Variants in RANBP9 observed in about 807,000 individuals in gnomAD.
RANBP9 encodes RAN binding protein 9.
RANBP9 carries 15 observed loss-of-function variants against 84.3 expected under a neutral mutation model. The ratio of observed to expected loss-of-function variants is 0.18; its 90% CI spans 0.12 to 0.27. RANBP9 has a LOEUF of 0.27. Ranked by LOEUF, RANBP9 falls within the 10% of genes least tolerant of loss-of-function variation. RANBP9 has a pLI of 1.00. For missense variants in RANBP9, 809 were observed against 912.8 expected (o/e 0.89, Z 1.46); for synonymous variants, 392 against 349.6 (o/e 1.12, Z -1.35).
chr6:13,628,745 G>A (rs1764693744), intron 12 of RANBP9, among the ~76,000 whole-genome samples: 1 of 152,220 alleles, frequency 6.6e-6, no homozygotes, highest in African/African-American at 2.4e-5. Context: ...AAAGCCTGCT[G>A]TAAAAGTTAA....
chr6:13,690,618 T>C (rs1766300640), intron 2 of RANBP9, among the ~76,000 whole-genome samples: 1 of 152,236 alleles, frequency 6.6e-6, no homozygotes, highest in South Asian at 2.1e-4. Context: ...AATATTTTGT[T>C]TGAAGAGCTA....
intron 2 of RANBP9, among the ~76,000 whole-genome samples, chr6:13,664,073 GAAAT>G (rs1459248184): frequency 6.6e-6 from 1 of 151,928 alleles, no homozygotes; most frequent in Non-Finnish European, 1.5e-5. Flanking sequence ...AAATCAAAAA[GAAAT>G]AAAGCTGGCT....
intron 1 of RANBP9, among the ~76,000 whole-genome samples, chr6:13,702,225 T>C (rs1757991793): frequency 6.6e-6 from 1 of 151,966 alleles, no homozygotes; most frequent in Admixed American, 6.6e-5. Flanking sequence ...GGTGGATCAC[T>C]TGAGGTCAGG....
At chr6:13,661,498 A>G (rs529073500) in intron 2 of RANBP9, among the ~76,000 whole-genome samples, 10 of 152,280 alleles carry the variant, frequency 6.6e-5, no homozygotes, top group Middle Eastern at 3.4e-3. Context: ...GGGAAAAAAA[A>G]TGAGAAAAAA....
chr6:13,671,769 G>C (rs1385681117), intron 2 of RANBP9, among the ~76,000 whole-genome samples: 2 of 151,954 alleles, frequency 1.3e-5, no homozygotes, highest in Non-Finnish European at 2.9e-5. Context: ...ATATGTACAT[G>C]AATTATACAT....
intron 12 of RANBP9, among the ~76,000 whole-genome samples, chr6:13,627,775 A>G (rs891496665): frequency 1.3e-5 from 2 of 152,198 alleles, no homozygotes; most frequent in African/African-American, 4.8e-5. Flanking sequence ...AATTTTTCCA[A>G]GGAATACTTG....
chr6:13,673,985 G>T (rs1256852941), intron 2 of RANBP9, among the ~76,000 whole-genome samples: 1 of 151,798 alleles, frequency 6.6e-6, no homozygotes, highest in Non-Finnish European at 1.5e-5. Flanking sequence ...TTGGGAACCT[G>T]AAGTGGGAGA....
At position 13,710,942 on chromosome 6, in the gene RANBP9, G is replaced by A. The variant is rs1758261329; in HGVS notation, c.564C>T (p.His188=). Residue 188 remains histidine (H), a synonymous_variant, in exon 1 of 14, where the codon CAC becomes CAT. Transcript: ENST00000011619. The stretch of plus-strand genomic sequence containing the variant: ...AGGACACACGCCCAGTACCTTTGTA[G>A]TGCACCCGCAGGTTGTTCTGAGAGA... The part of the protein sequence containing the change: ...IGLSQNNLRV[H]YKGHGKTPKD... The A allele has an allele frequency of 2.5e-6, 4 of 1,607,208 alleles. No homozygotes were observed. Among genetic ancestry groups the A allele is most frequent in the Non-Finnish European group, 2.5e-6 (3 of 1,177,150 alleles).
At chr6:13,655,291 G>C (rs1321286143) in intron 4 of RANBP9, among the ~76,000 whole-genome samples, 2 of 152,154 alleles carry the variant, frequency 1.3e-5, no homozygotes, top group Non-Finnish European at 2.9e-5. Flanking sequence ...AGACAACATG[G>C]TGAAACCCCA....
chr6:13,708,888 G>A (rs565992077), intron 1 of RANBP9, among the ~76,000 whole-genome samples: 1 of 152,070 alleles, frequency 6.6e-6, no homozygotes, highest in African/African-American at 2.4e-5. Flanking sequence ...AGTAGAAAGG[G>A]AAAAAGACTT....
chr6:13,688,982 C>CAAAAAAAAAAAAA lies in RANBP9; in HGVS notation c.683+7790_683+7802dup, dbSNP rs1164073062. ...TGCAACATACCGAGACCCATCTCCA[C>CAAAAAAAAAAAAA]AAAAAAAAAAAAAAAAAAAAAATGC... is the stretch of plus-strand genomic sequence containing the variant. On this transcript the variant is annotated intron_variant, in intron 2 of 13. Transcript: ENST00000011619. Among the ~76,000 whole-genome samples the CAAAAAAAAAAAAA allele has an allele frequency of 2.0e-4, 6 of 29,952 alleles. 1 individual carries two copies. The highest frequency in any genetic ancestry group is 6.3e-4 in the African/African-American group (6 of 9,576). The allele number at this position is 29,952 out of a possible 152,430, so 19.6% of individuals were successfully genotyped here. A position where few individuals can be genotyped will look rare whatever the true frequency, so the allele number is the denominator to read the frequency against.
intron 1 of RANBP9, among the ~76,000 whole-genome samples, chr6:13,708,041 G>A (rs1278247529): frequency 6.6e-6 from 1 of 152,192 alleles, no homozygotes; most frequent in Non-Finnish European, 1.5e-5. Flanking sequence ...TGCATGTCTA[G>A]TATTATCTAA....
rs773028279 is a variant in RANBP9, at chr6:13,639,779, T to C, written c.1335-26A>G. ...CTAAAGGAGAAAAGAAAAATTTACT[T>C]AGACACAATCTTCAAATGGCCTTTT... On this transcript the variant is annotated intron_variant, in intron 8 of 13. Transcript: ENST00000011619. 17 of 1,562,280 alleles carry C rather than the reference T, an allele frequency of 1.1e-5. No individual in the cohort carries two copies. In the Admixed American group the frequency reaches 3.0e-4, roughly 28 times the overall value.
chr6:13,709,430 T>A (rs1485479397), intron 1 of RANBP9, among the ~76,000 whole-genome samples: 1 of 152,204 alleles, frequency 6.6e-6, no homozygotes, highest in Non-Finnish European at 1.5e-5. Flanking sequence ...AACCATAAAT[T>A]TAAAATTATA....
intron 2 of RANBP9, among the ~76,000 whole-genome samples, chr6:13,666,563 T>A (rs928799041): frequency 8.2e-6 from 1 of 122,460 alleles, no homozygotes; most frequent in South Asian, 2.7e-4. Context: ...AGCGCTTGAG[T>A]CCAGGAGTTC....
chr6:13,698,301 T>C (rs975139353), intron 1 of RANBP9, among the ~76,000 whole-genome samples: 1 of 152,206 alleles, frequency 6.6e-6, no homozygotes, highest in African/African-American at 2.4e-5. Flanking sequence ...AGTATTTACA[T>C]GCATCAAAAC....
intron 2 of RANBP9, among the ~76,000 whole-genome samples, chr6:13,668,888 C>A (rs1377916116): frequency 6.6e-6 from 1 of 151,966 alleles, no homozygotes; most frequent in Non-Finnish European, 1.5e-5. Context: ...CTACCCTGGG[C>A]AAGAGGGCAA....
intron 2 of RANBP9, among the ~76,000 whole-genome samples, chr6:13,675,735 CA>C (rs545342955): frequency 2.5e-3 from 357 of 142,394 alleles, no homozygotes; most frequent in African/African-American, 8.5e-3. Flanking sequence ...GGATAACCAA[CA>C]AAAAAAAAAC....
intron 1 of RANBP9, among the ~76,000 whole-genome samples, chr6:13,709,636 A>G (rs1039686331): frequency 5.3e-5 from 8 of 152,238 alleles, no homozygotes; most frequent in Non-Finnish European, 7.3e-5. Flanking sequence ...ATTAAGGAGG[A>G]TAACACTTGG....
Sources: allele counts gnomAD v4.1 joint callset (sites outside exome capture counted in the v4.1 genomes callset), GRCh38; gene constraint gnomAD v4.1.1; transcripts MANE v1.5; gene names NCBI Gene and HGNC (gene_info 2026-07-23, HGNC 2026-07-21).